ADAMTSL1: variants seen among roughly 807,000 people sequenced by gnomAD.
The protein encoded by ADAMTSL1 is ADAMTS-like protein 1.
In ADAMTSL1, 126 loss-of-function variants were observed where a neutral mutation model predicts 201.8. The observed-to-expected ratio is 0.62, with a 90% CI of 0.54 to 0.72. The LOEUF (loss-of-function observed/expected upper bound fraction) is 0.72, where lower values mean the gene tolerates loss of function less well. Among genes scored for constraint, ADAMTSL1 ranks in the 30% least tolerant of loss-of-function variants. The probability of loss-of-function intolerance (pLI) is 0.00; values close to 1 mark genes in which losing one functional copy is unlikely to be tolerated. For missense variants in ADAMTSL1, 2,679 were observed against 2,277.8 expected, an observed-to-expected ratio of 1.18 and a Z score of -3.59; for synonymous variants, 1,121 against 903.4, an observed-to-expected ratio of 1.24 and a Z score of -4.32.
intron 15 of ADAMTSL1, chr9:18,723,838 ACT>A (rs1817698689): frequency 6.6e-6 from 1 of 152,182 alleles, no homozygotes. Flanking sequence ...GGAATATCTC[ACT>A]CTGATGTCAG....
At chr9:18,157,101 A>C (rs1827190251) in intron 1 of ADAMTSL1, among the ~76,000 whole-genome samples, 1 of 151,986 alleles carries the variant, frequency 6.6e-6, no homozygotes, top group Non-Finnish European at 1.5e-5. Flanking sequence ...TGGTTGCTGA[A>C]TGTCTTCTCA....
intron 2 of ADAMTSL1, among the ~76,000 whole-genome samples, chr9:18,193,090 T>A (rs1228304837): frequency 1.3e-5 from 2 of 152,090 alleles, no homozygotes; most frequent in East Asian, 1.9e-4. Context: ...TTTCCAGGTT[T>A]TTTTGGTTGG....
intron 1 of ADAMTSL1, among the ~76,000 whole-genome samples, chr9:17,980,078 C>T (rs1368063409): frequency 6.6e-6 from 1 of 152,118 alleles, no homozygotes; most frequent in African/African-American, 2.4e-5. Flanking sequence ...GGCCATTTCT[C>T]TTTGTACTGT....
chr9:18,585,385 T>G (rs532732765), intron 4 of ADAMTSL1, among the ~76,000 whole-genome samples: 1 of 152,172 alleles, frequency 6.6e-6, no homozygotes, highest in Non-Finnish European at 1.5e-5. Flanking sequence ...AAATCTAAAA[T>G]AGAAAACATT....
intron 2 of ADAMTSL1, among the ~76,000 whole-genome samples, chr9:18,361,664 G>T (rs895375591): frequency 6.6e-6 from 1 of 152,126 alleles, no homozygotes; most frequent in African/African-American, 2.4e-5. Context: ...GCAGAACTAT[G>T]AGAAGCAACA....
At chr9:18,694,342 A>G (rs1831421129) in intron 13 of ADAMTSL1, among the ~76,000 whole-genome samples, 1 of 151,948 alleles carries the variant, frequency 6.6e-6, no homozygotes, top group African/African-American at 2.4e-5. Context: ...CCAATTCTTA[A>G]CTCACTTCGG....
chr9:18,455,045 C>G (rs529770491), intron 2 of ADAMTSL1, among the ~76,000 whole-genome samples: 1 of 152,040 alleles, frequency 6.6e-6, no homozygotes, highest in Admixed American at 6.5e-5. Context: ...TATCTGTATG[C>G]CAAATTGATT....
At chr9:18,506,634 A>G (rs1430807993) in intron 2 of ADAMTSL1, among the ~76,000 whole-genome samples, 1 of 152,220 alleles carries the variant, frequency 6.6e-6, no homozygotes, top group Non-Finnish European at 1.5e-5. Context: ...TTAAAGGTCT[A>G]GGTGTTAGGG....
At chr9:18,381,761 G>A (rs759195764) in intron 2 of ADAMTSL1, among the ~76,000 whole-genome samples, 21 of 151,974 alleles carry the variant, frequency 1.4e-4, no homozygotes, top group African/African-American at 2.4e-4. Flanking sequence ...ATGTATCACC[G>A]AGAACCCATT....
chr9:18,070,657 T>C (rs114181597), intron 1 of ADAMTSL1, among the ~76,000 whole-genome samples: 1 of 152,058 alleles, frequency 6.6e-6, no homozygotes, highest in African/African-American at 2.4e-5. Context: ...GATAAAATCT[T>C]GGGAAATGAT....
rs986143066 is a variant in ADAMTSL1 at position 18,707,578 on chromosome 9, T to C, written c.1876+530T>C. On this transcript the variant is annotated intron_variant, in intron 14 of 28. Coordinates refer to ENST00000380548, the MANE Select transcript of ADAMTSL1 (RefSeq NM_001040272.6). ...AGTTCAAAGTCTGACCCCACCCCCA[T>C]CTTACAGATGAGAAAACTAAGAATC... Among the ~76,000 whole-genome samples, 3 of 152,326 alleles carry C rather than the reference T, an allele frequency of 2.0e-5. No individual in the cohort carries two copies. The South Asian group carries it at 6.2e-4, about 32-fold the overall frequency.
intron 1 of ADAMTSL1, among the ~76,000 whole-genome samples, chr9:18,029,170 A>T (rs1372338259): frequency 4.6e-5 from 7 of 152,236 alleles, no homozygotes; most frequent in Non-Finnish European, 5.9e-5. Context: ...GGCTGAGATG[A>T]TGGGGTTTTC....
At chr9:18,561,434 T>A (rs1235143666) in intron 3 of ADAMTSL1, among the ~76,000 whole-genome samples, 1 of 152,094 alleles carries the variant, frequency 6.6e-6, no homozygotes, top group Non-Finnish European at 1.5e-5. Flanking sequence ...TGCTGAGGAG[T>A]GTTTTACTTC....
intron 1 of ADAMTSL1, among the ~76,000 whole-genome samples, chr9:18,051,470 A>G (rs974699834): frequency 6.6e-6 from 1 of 152,098 alleles, no homozygotes; most frequent in Non-Finnish European, 1.5e-5. Flanking sequence ...CTGTTGGGCT[A>G]TATGGTATCA....
At chr9:18,183,616 A>G (rs922087957) in intron 2 of ADAMTSL1, among the ~76,000 whole-genome samples, 2 of 152,240 alleles carry the variant, frequency 1.3e-5, no homozygotes, top group Non-Finnish European at 2.9e-5. Context: ...ATATAAAAAT[A>G]TGCTATACAT....
Position 18,706,778 on chromosome 9 carries a change from G to T in ADAMTSL1, c.1606G>T (p.Val536Phe). Reference protein sequence around the residue: ...FIPEAWSACTVTCGVGTQVRI... With the variant: ...FIPEAWSACTFTCGVGTQVRI... ...CCCAGAGGCCTGGTCGGCCTGCACA[G>T]TCACCTGTGGTGTGGGGACCCAGGT... Residue 536 changes from valine to phenylalanine, a missense_variant, in exon 14 of 29, where the codon GTC becomes TTC. By Grantham distance (50) the Val-to-Phe change is conservative. Transcript: ENST00000380548. The T allele has an allele frequency of 6.2e-7, 1 of 1,607,926 alleles. No individual in the cohort carries two copies.
intron 2 of ADAMTSL1, among the ~76,000 whole-genome samples, chr9:18,177,139 G>C (rs1234525726): frequency 6.6e-6 from 1 of 152,168 alleles, no homozygotes; most frequent in South Asian, 2.1e-4. Flanking sequence ...TTGAATGTAG[G>C]ACCAGTTACC....
chr9:18,451,091 AG>A lies in ADAMTSL1; in HGVS notation c.208-53733del, dbSNP rs576830050. Reference sequence around the variant, plus strand: ...AAAGTCAAAGAAACATGCTGTAAGAAGGGGGATTGGGATAGGAAGCCATCAG... The same window carrying A: ...AAAGTCAAAGAAACATGCTGTAAGAAGGGGATTGGGATAGGAAGCCATCAG... On this transcript the variant is annotated intron_variant, in intron 2 of 29. Coordinates refer to the ADAMTSL1 transcript ENST00000680146. 6.3e-3 allele frequency among the ~76,000 whole-genome samples: 960 copies of A among 152,296 alleles called. 4 individuals are homozygous for A. Among genetic ancestry groups the A allele is most frequent in the Admixed American group, 0.011 (161 of 15,296 alleles).
intron 2 of ADAMTSL1, among the ~76,000 whole-genome samples, chr9:18,400,131 C>G (rs1022050391): frequency 9.1e-6 from 1 of 109,428 alleles, no homozygotes; most frequent in East Asian, 2.1e-4. Context: ...CTCCCTCTTT[C>G]CAAAGCCATT....
Sources: allele counts gnomAD v4.1 joint callset (sites outside exome capture counted in the v4.1 genomes callset), GRCh38; gene constraint gnomAD v4.1.1; transcripts MANE v1.5; gene names NCBI Gene and HGNC (gene_info 2026-07-23, HGNC 2026-07-21).